Variants in TTLL4 observed in about 807,000 individuals in gnomAD.
The protein encoded by TTLL4 is tubulin tyrosine ligase like 4, also known as tubulin monoglutamylase TTLL4.
A neutral mutation model predicts 122.7 loss-of-function variants in TTLL4; 85 were observed. The observed-to-expected ratio is 0.69, with a 90% CI of 0.58 to 0.83. TTLL4 has a LOEUF of 0.83. TTLL4 is among the 40% of genes least tolerant of loss of function. The pLI, the probability that TTLL4 is intolerant of heterozygous loss-of-function variation, is 0.00. For missense variants in TTLL4, 1,363 were observed against 1,488.6 expected (o/e 0.92, Z 1.39); for synonymous variants, 553 against 563.0 (o/e 0.98, Z 0.25).
intron 7 of TTLL4, 47 bp from the exon 8 acceptor site, chr2:218,746,108 C>G: frequency 6.2e-7 from 1 of 1,607,658 alleles, no homozygotes; most frequent in Non-Finnish European, 8.5e-7. Context: ...CTCTCTGTCC[C>G]TGGACTGAGC....
chr2:218,759,629 A>G (rs1326085297), downstream of TTLL4, among the ~76,000 whole-genome samples: 3 of 152,224 alleles, frequency 2.0e-5, no homozygotes, highest in Non-Finnish European at 4.4e-5. Context: ...TGGTGGATAC[A>G]TGACTATATA....
Position 218,726,887 on chromosome 2 carries a change from C to A in TTLL4, c.-177-382C>A, listed in dbSNP as rs538939166. On this transcript the variant is annotated intron_variant, in intron 1 of 19. Coordinates refer to ENST00000392102, the MANE Select transcript of TTLL4 (RefSeq NM_014640.5). Reference sequence around the variant, plus strand: ...TGATGCAATCTCAGCTCACTGCAACCTTTGCCTCCCGGGTTCAAGTGATTG... The same window carrying A: ...TGATGCAATCTCAGCTCACTGCAACATTTGCCTCCCGGGTTCAAGTGATTG... Among the ~76,000 whole-genome samples, 104 of 152,262 alleles carry A rather than the reference C, an allele frequency of 6.8e-4. 1 individual carries two copies. The highest frequency in any genetic ancestry group is 2.4e-3 in the African/African-American group (101 of 41,538).
At position 218,737,970 on chromosome 2, in the gene TTLL4, C is replaced by T; in HGVS notation, c.294C>T (p.Gly98=). The T allele has an allele frequency of 1.2e-6, 2 of 1,614,228 alleles. No homozygotes were observed. The highest frequency in any genetic ancestry group is 1.1e-5 in the South Asian group (1 of 91,088). Residue 98 remains glycine, a synonymous_variant, in exon 3 of 20, where the codon GGC becomes GGT. Transcript: ENST00000392102. ...CTGGGACCACGGCTGTCATTGCAGGCCACAGCAGTTCCTGTTACCTACACT... is the reference window on the plus strand; with the variant it reads ...CTGGGACCACGGCTGTCATTGCAGGTCACAGCAGTTCCTGTTACCTACACT... The part of the protein sequence containing the change: ...CSSGTTAVIA[G]HSSSCYLHSL...
rs1406416033 is a variant in TTLL4, at chr2:218,737,641, G to A, written c.-36G>A. On this transcript the variant is annotated 5_prime_UTR_variant, in exon 3 of 20. Coordinates refer to ENST00000392102, the MANE Select transcript of TTLL4 (RefSeq NM_014640.5). The stretch of plus-strand genomic sequence containing the variant: ...GGTGTGTGGCACCTTACCTCAGCAA[G>A]GCCATGAGACCGTGTGGCCATGATG... 1.9e-6 allele frequency: 3 copies of A among 1,539,518 alleles called. No individual in the cohort carries two copies. The highest frequency in any genetic ancestry group is 2.6e-6 in the Non-Finnish European group (3 of 1,144,226).
intron 4 of TTLL4, 146 bp from the exon 5 acceptor site, chr2:218,740,375 G>T: frequency 1.1e-6 from 1 of 948,346 alleles, no homozygotes; most frequent in Non-Finnish European, 1.6e-6. Context: ...CTTCTGTTGA[G>T]GAAGGCAGTG....
chr2:218,721,285 C>T (rs1942033154), intron 1 of TTLL4, among the ~76,000 whole-genome samples: 2 of 152,074 alleles, frequency 1.3e-5, no homozygotes, highest in African/African-American at 4.8e-5. Flanking sequence ...GCCATGTGGC[C>T]CAGGCTAATT....
rs1376723586 is a variant in TTLL4 at position 218,745,206 on chromosome 2, A to C, written c.1759A>C (p.Ile587Leu). 1 of 1,613,844 alleles carries C rather than the reference A, an allele frequency of 6.2e-7. No individual in the cohort carries two copies. Among genetic ancestry groups the C allele is most frequent in the Non-Finnish European group, 8.5e-7 (1 of 1,179,894 alleles). The change falls in exon 6 of 20, where the codon ATC (isoleucine) becomes CTC (leucine). Residue 587 changes from isoleucine (I) to leucine (L), a missense_variant. Ile to Leu is a conservative substitution (Grantham distance 5, BLOSUM62 2). This residue lies in a region of TTLL4 where 760 missense variants were observed against 808.4 expected (regional missense o/e 0.94). Coordinates refer to ENST00000392102, the MANE Select transcript of TTLL4 (RefSeq NM_014640.5). ...YSLFPNVPPT[I>L]YFGTRDERVE... ...TCTCTTTCCCAACGTTCCCCCTACC[A>C]TCTATTTTGGCACTCGGGATGAGAG...
chr2:218,750,093 C>T lies in TTLL4; in HGVS notation c.2820C>T (p.Pro940=). 1.2e-6 allele frequency: 2 copies of T among 1,614,036 alleles called. No individual in the cohort carries two copies. Among genetic ancestry groups the T allele is most frequent in the Non-Finnish European group, 1.7e-6 (2 of 1,179,946 alleles). ...DLLNLAGFVL[P]NAEDIISSPS... is the part of the protein sequence containing the mutation. ...TGAATCTGGCAGGTTTTGTCCTGCC[C>T]AATGCAGAGGATATCATTTCCAGCC... is the stretch of plus-strand genomic sequence containing the variant. The change falls in exon 15 of 20, where the codon CCC becomes CCT. Residue 940 remains proline, a synonymous_variant. Transcript: ENST00000392102.
chr2:218,732,134 A>T (rs1444674509), intron 2 of TTLL4, among the ~76,000 whole-genome samples: 1 of 152,214 alleles, frequency 6.6e-6, no homozygotes, highest in Non-Finnish European at 1.5e-5. Context: ...TTAGTAACAG[A>T]GAGTAAGTAT....
chr2:218,728,427 G>A (rs953203532), intron 2 of TTLL4, among the ~76,000 whole-genome samples: 20 of 152,120 alleles, frequency 1.3e-4, no homozygotes, highest in Admixed American at 6.5e-5. Context: ...TAGGGTGAGC[G>A]CTCCTATGAG....
At chr2:218,729,186 G>A (rs1942284377) in intron 2 of TTLL4, among the ~76,000 whole-genome samples, 1 of 151,964 alleles carries the variant, frequency 6.6e-6, no homozygotes, top group Non-Finnish European at 1.5e-5. Context: ...CGTCTGCCTC[G>A]GCCTCCCAAA....
Position 218,731,335 on chromosome 2 carries a change from C to G in TTLL4, c.-99+3988C>G, listed in dbSNP as rs903778214. Among the ~76,000 whole-genome samples, 5 of 151,556 alleles carry G rather than the reference C, an allele frequency of 3.3e-5. No homozygotes were observed. The East Asian group carries it at 9.7e-4, about 29-fold the overall frequency. ...CTGAGGCAGGAGAATCACTTGAACC[C>G]GGGAGGCAGAGGTTGCAGTGAGCCA... On this transcript the variant is annotated intron_variant, in intron 2 of 19. Transcript: ENST00000392102.
chr2:218,744,957 T>G, intron 5 of TTLL4, 152 bp from the exon 6 acceptor site: 1 of 1,007,784 alleles, frequency 9.9e-7, no homozygotes, highest in Non-Finnish European at 1.4e-6. Context: ...TGGATTAATA[T>G]GTACAAAATA....
chr2:218,711,416 AT>A (rs1427236535), intron 1 of TTLL4, among the ~76,000 whole-genome samples: 2 of 151,352 alleles, frequency 1.3e-5, no homozygotes, highest in African/African-American at 4.9e-5. Context: ...CCAGGGCCGA[AT>A]TTAACATGGA....
intron 1 of TTLL4, among the ~76,000 whole-genome samples, chr2:218,720,519 C>G (rs1275581408): frequency 6.6e-6 from 1 of 151,894 alleles, no homozygotes; most frequent in Non-Finnish European, 1.5e-5. Context: ...TACAAAAATA[C>G]AAAAATTATC....
At chr2:218,721,049 G>A (rs139564641) in intron 1 of TTLL4, among the ~76,000 whole-genome samples, 4 of 152,312 alleles carry the variant, frequency 2.6e-5, no homozygotes, top group South Asian at 2.1e-4. Flanking sequence ...GTAACAGCAC[G>A]GAAGCTCCAA....
chr2:218,734,822 C>T (rs1020063049), intron 2 of TTLL4, among the ~76,000 whole-genome samples: 1 of 152,162 alleles, frequency 6.6e-6, no homozygotes, highest in Non-Finnish European at 1.5e-5. Context: ...TGCATGCGTG[C>T]TTGTAGTCTC....
intron 12 of TTLL4, 29 bp downstream of exon 12, chr2:218,748,256 T>C: frequency 6.2e-7 from 1 of 1,613,632 alleles, no homozygotes; most frequent in Non-Finnish European, 8.5e-7. Flanking sequence ...CCCAGTCCAG[T>C]GAAGGCCTAG....
intron 2 of TTLL4, among the ~76,000 whole-genome samples, chr2:218,729,835 A>G (rs919191653): frequency 1.3e-5 from 2 of 150,860 alleles, no homozygotes; most frequent in Admixed American, 6.6e-5. Context: ...GGCACATTGC[A>G]GCTTCGACCT....
Sources: gnomAD v4.1 joint callset for allele counts (sites outside exome capture counted in the v4.1 genomes callset) on GRCh38, gnomAD v4.1.1 for gene constraint, gnomAD v4.1.1 regional missense constraint, MANE v1.5 for transcripts, NCBI Gene and HGNC (gene_info 2026-07-23, HGNC 2026-07-21) for gene names.